The following ANO4 variants were observed in gnomAD, a reference collection of about 807,000 sequenced individuals.
ANO4 encodes anoctamin-4.
A neutral mutation model predicts 141.9 loss-of-function variants in ANO4; 69 were observed. That is an observed-to-expected ratio of 0.49 (90% confidence interval 0.40 to 0.59). The LOEUF (loss-of-function observed/expected upper bound fraction) is 0.59, where lower values mean the gene tolerates loss of function less well. ANO4 is among the 20% of genes least tolerant of loss of function. The pLI, the probability that ANO4 is intolerant of heterozygous loss-of-function variation, is 0.00. For synonymous variants in ANO4, 350 were observed against 394.3 expected, an observed-to-expected ratio of 0.89 and a Z score of 1.33; for missense variants, 894 against 1,162.2, an observed-to-expected ratio of 0.77 and a Z score of 3.36.
At chr12:101,033,625 G>A (rs773370660) in intron 9 of ANO4, among the ~76,000 whole-genome samples, 10 of 152,060 alleles carry the variant, frequency 6.6e-5, no homozygotes, top group Non-Finnish European at 1.3e-4. Flanking sequence ...TGCAAGAAAA[G>A]CCAAAACTGA....
chr12:101,025,045 G>T (rs1462442136), intron 9 of ANO4, among the ~76,000 whole-genome samples: 1 of 152,128 alleles, frequency 6.6e-6, no homozygotes, highest in Non-Finnish European at 1.5e-5. Flanking sequence ...CTCCTTTGAG[G>T]TGTATTTTAG....
chr12:100,910,709 A>T (rs2136063296), intron 2 of ANO4, among the ~76,000 whole-genome samples: 1 of 152,290 alleles, frequency 6.6e-6, no homozygotes. Context: ...TAGAATTGGA[A>T]GCTTTCTGAA....
intron 3 of ANO4, among the ~76,000 whole-genome samples, chr12:100,770,629 CA>C (rs944865066): frequency 6.6e-6 from 1 of 152,116 alleles, no homozygotes; most frequent in Non-Finnish European, 1.5e-5. Context: ...ACACCTCTTG[CA>C]TTGAAGGAGG....
At chr12:101,043,866 T>C (rs2047517312) in intron 13 of ANO4, among the ~76,000 whole-genome samples, 1 of 152,202 alleles carries the variant, frequency 6.6e-6, no homozygotes, top group South Asian at 2.1e-4. Flanking sequence ...TGGCACAGTG[T>C]GAGGAGCACG....
At chr12:100,913,691 CT>C (rs1371955935) in intron 2 of ANO4, among the ~76,000 whole-genome samples, 3 of 152,154 alleles carry the variant, frequency 2.0e-5, no homozygotes, top group African/African-American at 7.2e-5. Context: ...AACCATTTAG[CT>C]CAGGATTATA....
intron 3 of ANO4, among the ~76,000 whole-genome samples, chr12:100,784,677 G>A (rs2033810477): frequency 6.6e-6 from 1 of 152,136 alleles, no homozygotes. Flanking sequence ...TCCTCCAAAG[G>A]AAAAAGGAAG....
At chr12:100,891,193 G>A (rs1385416798) in intron 1 of ANO4, among the ~76,000 whole-genome samples, 1 of 152,188 alleles carries the variant, frequency 6.6e-6, no homozygotes, top group Non-Finnish European at 1.5e-5. Context: ...TTGTCTGAAT[G>A]TATCACAGTT....
Position 100,853,264 on chromosome 12 carries a change from A to G in ANO4, c.-140-48382A>G, listed in dbSNP as rs151148450. The stretch of plus-strand genomic sequence containing the variant: ...AGCTTGCCTTTTCAAAGCTCTCTTA[A>G]TAATTTATTTTGTGAACAGAAGTTT... On this transcript the variant is annotated intron_variant, in intron 1 of 27. Transcript: ENST00000392977. 6.3e-3 allele frequency among the ~76,000 whole-genome samples: 952 copies of G among 152,284 alleles called. 13 individuals carry two copies. The highest frequency in any genetic ancestry group is 0.022 in the African/African-American group (910 of 41,556).
At chr12:100,993,726 C>T (rs768051878) in intron 8 of ANO4, among the ~76,000 whole-genome samples, 23 of 152,028 alleles carry the variant, frequency 1.5e-4, no homozygotes, top group Non-Finnish European at 1.6e-4. Context: ...TTTTATGGGC[C>T]AGGCCTAAGA....
intron 22 of ANO4, among the ~76,000 whole-genome samples, chr12:101,108,270 G>A (rs1300690472): frequency 6.6e-6 from 1 of 152,146 alleles, no homozygotes; most frequent in Admixed American, 6.5e-5. Context: ...CTATTTGTGG[G>A]TAAAGAGCCA....
intron 2 of ANO4, among the ~76,000 whole-genome samples, chr12:100,738,441 G>A (rs988131005): frequency 6.6e-6 from 1 of 152,062 alleles, no homozygotes; most frequent in Non-Finnish European, 1.5e-5. Context: ...ATTTGCTAAT[G>A]AACTCCATTT....
In ANO4 at chr12:100,870,458, AT is replaced by A. The variant is rs1170648068; in HGVS notation, c.-140-31179del. 4.0e-5 allele frequency among the ~76,000 whole-genome samples: 6 copies of A among 151,872 alleles called. No individual in the cohort carries two copies. The South Asian group carries it at 6.2e-4, about 16-fold the overall frequency. ...TGAGGATTTATTTTAAGTTTTCATT[AT>A]TTTTTTTTACATCATAGCCCTTGAA... is the stretch of plus-strand genomic sequence containing the variant. On this transcript the variant is annotated intron_variant, in intron 1 of 27. Transcript: ENST00000392977.
chr12:100,795,671 C>G (rs2034262554), intron 1 of ANO4, among the ~76,000 whole-genome samples: 1 of 152,154 alleles, frequency 6.6e-6, no homozygotes, highest in Non-Finnish European at 1.5e-5. Flanking sequence ...CCCAGTTCTG[C>G]AAACCATATT....
At chr12:101,029,834 C>T (rs377357032) in intron 9 of ANO4, among the ~76,000 whole-genome samples, 46 of 143,848 alleles carry the variant, frequency 3.2e-4, no homozygotes, top group East Asian at 2.9e-3. Flanking sequence ...TGCTTGAGCC[C>T]GGGAGACAGA....
chr12:100,782,694 TTGTAAGTTGC>T (rs2033748551), intron 3 of ANO4, among the ~76,000 whole-genome samples: 1 of 152,214 alleles, frequency 6.6e-6, no homozygotes, highest in Non-Finnish European at 1.5e-5. Flanking sequence ...AATACCTTAC[TTGTAAGTTGC>T]TGTAAGGATT....
intron 3 of ANO4, among the ~76,000 whole-genome samples, chr12:100,932,854 C>G (rs2042135582): frequency 6.6e-6 from 1 of 152,072 alleles, no homozygotes; most frequent in African/African-American, 2.4e-5. Flanking sequence ...GGTCCTTGAT[C>G]CTCGTTGTTC....
At chr12:100,751,705 A>G (rs1204521934) in intron 3 of ANO4, among the ~76,000 whole-genome samples, 1 of 152,060 alleles carries the variant, frequency 6.6e-6, no homozygotes, top group African/African-American at 2.4e-5. Flanking sequence ...ACCCAAGCAG[A>G]CAAGGCTCCT....
At chr12:100,733,353 T>C (rs1252247930) in intron 1 of ANO4, among the ~76,000 whole-genome samples, 1 of 152,188 alleles carries the variant, frequency 6.6e-6, no homozygotes, top group Non-Finnish European at 1.5e-5. Context: ...CATCCACTTT[T>C]TGCCCAGTCA....
chr12:100,942,274 C>T (rs1199853376), intron 4 of ANO4, 103 bp from the exon 5 acceptor site: 14 of 1,381,706 alleles, frequency 1.0e-5, no homozygotes, highest in East Asian at 4.7e-5. Flanking sequence ...CCACCGCACC[C>T]GAACTGAAAA....
Sources: allele counts gnomAD v4.1 joint callset (sites outside exome capture counted in the v4.1 genomes callset), GRCh38; gene constraint gnomAD v4.1.1; transcripts MANE v1.5; gene names NCBI Gene and HGNC (gene_info 2026-07-23, HGNC 2026-07-21).